Variants in ZNF728 observed in about 807,000 individuals in gnomAD.
ZNF728 encodes zinc finger protein 728.
In ZNF728, 12 loss-of-function variants were observed where a neutral mutation model predicts 12.5. The observed-to-expected ratio is 0.96, with a 90% confidence interval of 0.61 to 1.55. ZNF728 has a LOEUF of 1.55. ZNF728 is among the 40% of genes most tolerant of loss of function. The pLI is 0.00. For synonymous variants in ZNF728, 205 were observed against 240.7 expected, an observed-to-expected ratio of 0.85 and a Z score of 1.37; for missense variants, 692 against 719.2, an observed-to-expected ratio of 0.96 and a Z score of 0.43.
chr19:22,986,593 G>C (rs1030663628), intron 3 of ZNF728, among the ~76,000 whole-genome samples: 1 of 152,016 alleles, frequency 6.6e-6, no homozygotes, highest in Non-Finnish European at 1.5e-5. Flanking sequence ...TGAAAAATGA[G>C]AGAACACAAA....
At position 22,975,818 on chromosome 19, in the gene ZNF728, G is replaced by A. The variant is rs775730586; in HGVS notation, c.1519C>T (p.Pro507Ser). 1.1e-5 allele frequency: 18 copies of A among 1,611,922 alleles called. No homozygotes were observed. Among genetic ancestry groups the A allele is most frequent in the Admixed American group, 5.0e-5 (3 of 59,894 alleles). Residue 507 changes from proline (P) to serine (S), a missense_variant, in exon 4 of 4, where the codon CCC becomes TCC. Physicochemically the swap from Pro to Ser is moderately conservative, Grantham distance 74. Around this residue, in one of 3 missense-constraint regions of ZNF728, gnomAD observed 244 missense variants for 235.2 expected, o/e 1.04. Transcript: ENST00000594710. ...TTGCCACATTCTTCACATTTGTAGG[G>A]TTTCTCTCCAGTATGAATTCTCTTA... is the stretch of plus-strand genomic sequence containing the variant. ...EHKRIHTGEK[P>S]YKCEECGKAF...
chr19:22,996,516 G>A (rs1969051497), intron 1 of ZNF728, among the ~76,000 whole-genome samples: 1 of 152,078 alleles, frequency 6.6e-6, no homozygotes, highest in African/African-American at 2.4e-5. Context: ...ATTCTGCATT[G>A]CTAAATTTAT....
Position 22,976,444 on chromosome 19 carries a change from G to A in ZNF728, c.893C>T (p.Thr298Ile). ...ATGAATTGTCTTATGTGCAGTAAGGGTTGAGGCCTTACTAAAGGCTTTGCC... is the reference window on the plus strand; with the variant it reads ...ATGAATTGTCTTATGTGCAGTAAGGATTGAGGCCTTACTAAAGGCTTTGCC... ...ECGKAFSKAS[T>I]LTAHKTIHAG... The change falls in exon 4 of 4, where the codon ACC (threonine) becomes ATC (isoleucine). Residue 298 changes from threonine to isoleucine, a missense_variant. Coordinates refer to ENST00000594710, the MANE Select transcript of ZNF728 (RefSeq NM_001267716.2). The A allele has an allele frequency of 1.2e-6, 2 of 1,610,356 alleles. No individual in the cohort carries two copies. Among genetic ancestry groups the A allele is most frequent in the Non-Finnish European group, 1.7e-6 (2 of 1,179,086 alleles).
Position 22,987,362 on chromosome 19 carries a change from G to C in ZNF728, c.172C>G (p.Gln58Glu), listed in dbSNP as rs1968928217. The C allele has an allele frequency of 1.2e-6, 2 of 1,611,376 alleles. No individual in the cohort carries two copies. The highest frequency in any genetic ancestry group is 1.7e-5 in the Admixed American group (1 of 59,664). The change falls in exon 3 of 4, where the codon CAA becomes GAA. Residue 58 changes from glutamine to glutamate, a missense_variant. Around this residue, in one of 3 missense-constraint regions of ZNF728, gnomAD observed 440 missense variants for 459.6 expected, o/e 0.96. Transcript: ENST00000594710. ...PKPDLIIFLE[Q>E]GKEPWNMKRH... The stretch of plus-strand genomic sequence containing the variant: ...TTCATATTCCAGGGCTCTTTTCCTT[G>C]CTCCAGAAAAATGATCAGGTCTGGC...
At chr19:22,992,159 A>AT (rs1255103131) in intron 1 of ZNF728, among the ~76,000 whole-genome samples, 1 of 152,226 alleles carries the variant, frequency 6.6e-6, no homozygotes, top group African/African-American at 2.4e-5. Context: ...CATATGATGT[A>AT]TAATTCAACC....
chr19:22,981,870 G>C (rs1968864408), intron 3 of ZNF728, among the ~76,000 whole-genome samples: 1 of 152,010 alleles, frequency 6.6e-6, no homozygotes, highest in Non-Finnish European at 1.5e-5. Flanking sequence ...GGTATTGATG[G>C]AACGTATCTC....
At chr19:22,991,345 CTT>C (rs901838862) in intron 1 of ZNF728, among the ~76,000 whole-genome samples, 4 of 152,176 alleles carry the variant, frequency 2.6e-5, no homozygotes, top group Non-Finnish European at 5.9e-5. Flanking sequence ...AATTCCAACA[CTT>C]TAAAGGACCC....
rs751573456 is a variant in ZNF728 at position 22,975,257 on chromosome 19, C to T, written c.*211G>A. On this transcript the variant is annotated 3_prime_UTR_variant, in exon 4 of 4. Coordinates refer to ENST00000594710, the MANE Select transcript of ZNF728 (RefSeq NM_001267716.2). ...TCTCTCCAGTATGAGTTGTCTTGTA[C>T]GTAGTAAGCCTTAAGGACTGATTAA... 2.6e-5 allele frequency among the ~76,000 whole-genome samples: 4 copies of T among 151,666 alleles called. No individual in the cohort carries two copies. Among genetic ancestry groups the T allele is most frequent in the Admixed American group, 6.6e-5 (1 of 15,232 alleles).
chr19:22,983,732 CA>C (rs1251881894), intron 3 of ZNF728, among the ~76,000 whole-genome samples: 1 of 152,124 alleles, frequency 6.6e-6, no homozygotes, highest in Non-Finnish European at 1.5e-5. Flanking sequence ...TGGAAACCAT[CA>C]TTCTCAGCAA....
In ZNF728 at chr19:22,976,483, T is replaced by TTAC. The variant is rs745361327; in HGVS notation, c.853_854insGTA (p.Tyr284_Lys285insSer). 6.2e-7 allele frequency: 1 copy of TTAC among 1,613,194 alleles called. No homozygotes were observed. Among genetic ancestry groups the TTAC allele is most frequent in the Admixed American group, 1.7e-5 (1 of 59,976 alleles). On this transcript the variant is annotated inframe_insertion, in exon 4 of 4. Transcript: ENST00000594710. ...AAAGGCTTTGCCACATTCTTCACAT[T>TTAC]TGTAGGGTTTCTCTCCAGCATGACT...
intron 3 of ZNF728, among the ~76,000 whole-genome samples, chr19:22,987,000 T>C (rs933163540): frequency 6.6e-6 from 1 of 152,092 alleles, no homozygotes; most frequent in African/African-American, 2.4e-5. Flanking sequence ...TATGGAAATA[T>C]CTGTGTCCAC....
At chr19:22,984,172 A>C (rs1265899127) in intron 3 of ZNF728, among the ~76,000 whole-genome samples, 3 of 152,124 alleles carry the variant, frequency 2.0e-5, no homozygotes, top group Admixed American at 2.0e-4. Flanking sequence ...AGGCCAAAAA[A>C]GAAGTCTTAC....
At chr19:22,980,562 A>T (rs1267102293) in intron 3 of ZNF728, among the ~76,000 whole-genome samples, 1 of 152,176 alleles carries the variant, frequency 6.6e-6, no homozygotes, top group Non-Finnish European at 1.5e-5. Flanking sequence ...CTTTACCCCA[A>T]ATCAACAGAA....
intron 1 of ZNF728, among the ~76,000 whole-genome samples, chr19:22,994,422 G>A (rs1051068467): frequency 3.9e-5 from 6 of 152,160 alleles, no homozygotes; most frequent in African/African-American, 1.4e-4. Context: ...CAGCCCCAGA[G>A]GAACTGCACA....
chr19:22,987,575 C>G (rs746606306), intron 2 of ZNF728, among the ~76,000 whole-genome samples, 172 bp from the exon 3 acceptor site: 6 of 152,154 alleles, frequency 3.9e-5, no homozygotes, highest in Non-Finnish European at 8.8e-5. Flanking sequence ...TTTGTAAGTT[C>G]TTAATTTTAT....
At chr19:22,991,436 GA>G (rs1469484069) in intron 1 of ZNF728, among the ~76,000 whole-genome samples, 1 of 152,122 alleles carries the variant, frequency 6.6e-6, no homozygotes, top group Non-Finnish European at 1.5e-5. Flanking sequence ...ATAGACAGAT[GA>G]AAGGGATACA....
intron 1 of ZNF728, among the ~76,000 whole-genome samples, chr19:22,996,745 A>C (rs1283935586): frequency 2.2e-5 from 3 of 136,022 alleles, no homozygotes; most frequent in Non-Finnish European, 3.1e-5. Flanking sequence ...TATACTTCAA[A>C]AAGCAGAAGA....
At position 22,975,628 on chromosome 19, in the gene ZNF728, C is replaced by T. The variant is rs1413849822; in HGVS notation, c.1709G>A (p.Gly570Asp). The T allele has an allele frequency of 6.2e-7, 1 of 1,611,640 alleles. No individual in the cohort carries two copies. Among genetic ancestry groups the T allele is most frequent in the Non-Finnish European group, 8.5e-7 (1 of 1,179,766 alleles). The change falls in exon 4 of 4, where the codon GGC becomes GAC. Residue 570 changes from glycine (G) to aspartate (D), a missense_variant. Around this residue, in one of 3 missense-constraint regions of ZNF728, gnomAD observed 244 missense variants for 235.2 expected, o/e 1.04. Transcript: ENST00000594710. Reference protein sequence around the residue: ...GEKPYKCEECGKAFSWVSVLN... With the variant: ...GEKPYKCEECDKAFSWVSVLN... ...GACTGAGACCCAGCTAAAGGCTTTG[C>T]CACATTCTTCACATTTGTAGGGTTT...
intron 1 of ZNF728, among the ~76,000 whole-genome samples, chr19:22,991,452 G>C (rs1968986667): frequency 6.6e-6 from 1 of 152,032 alleles, no homozygotes; most frequent in Admixed American, 6.6e-5. Context: ...GATACAGATG[G>C]AAAGAATTTA....
Sources: allele counts gnomAD v4.1 joint callset (sites outside exome capture counted in the v4.1 genomes callset), GRCh38; gene constraint gnomAD v4.1.1; regional missense constraint gnomAD v4.1.1; transcripts MANE v1.5; gene names NCBI Gene and HGNC (gene_info 2026-07-23, HGNC 2026-07-21).